Variants in IL1R1 observed in about 807,000 individuals in gnomAD.
IL1R1 encodes interleukin 1 receptor type 1, also known as interleukin-1 receptor type 1.
In IL1R1, 22 loss-of-function variants were observed where a neutral mutation model predicts 50.2. The observed-to-expected ratio is 0.44, with a 90% CI of 0.31 to 0.63. The LOEUF (loss-of-function observed/expected upper bound fraction) is 0.63, where lower values mean the gene tolerates loss of function less well. IL1R1 is among the 20% of genes least tolerant of loss of function. The pLI, the probability that IL1R1 is intolerant of heterozygous loss-of-function variation, is 0.07. For synonymous variants in IL1R1, 251 were observed against 236.7 expected, an observed-to-expected ratio of 1.06 and a Z score of -0.55; for missense variants, 509 against 676.2, an observed-to-expected ratio of 0.75 and a Z score of 2.74.
intron 3 of IL1R1, among the ~76,000 whole-genome samples, chr2:102,164,440 T>C (rs931972370): frequency 2.0e-5 from 3 of 152,202 alleles, no homozygotes; most frequent in African/African-American, 7.2e-5. Context: ...TAGTTGTTCA[T>C]GTGGGAAGGT....
At chr2:102,119,522 C>T (rs1278281025) in intron 1 of IL1R1, among the ~76,000 whole-genome samples, 1 of 152,208 alleles carries the variant, frequency 6.6e-6, no homozygotes, top group Non-Finnish European at 1.5e-5. Flanking sequence ...CCCTGATCCA[C>T]TTGGTGCTCA....
intron 2 of IL1R1, chr2:102,156,213 C>CAAAGA (rs1684178757): frequency 6.6e-6 from 1 of 152,592 alleles, no homozygotes; most frequent in African/African-American, 2.4e-5. Flanking sequence ...TCAAAGCCTT[C>CAAAGA]TATCTTATTT....
At position 102,175,659 on chromosome 2, in the gene IL1R1, G is replaced by T. The variant is rs768000370; in HGVS notation, c.1303+14G>T. 2.5e-6 allele frequency: 4 copies of T among 1,611,542 alleles called. No individual in the cohort carries two copies. The highest frequency in any genetic ancestry group is 3.4e-6 in the Non-Finnish European group (4 of 1,177,682). ...ACGTTGGGGAAGGTATGTGTGTAATGGAACAGAGTAAAGGCTTATTGTTGT... is the reference window on the plus strand; with the variant it reads ...ACGTTGGGGAAGGTATGTGTGTAATTGAACAGAGTAAAGGCTTATTGTTGT... On this transcript the variant is annotated intron_variant, in intron 11 of 11. Transcript: ENST00000410023.
In IL1R1 at chr2:102,177,978, T is replaced by C; in HGVS notation, c.*1219T>C. ...ACCAGCATGTCACTCCCAGACCACC[T>C]CCCTGCCCTGTCCTCCAGCTTCCCC... On this transcript the variant is annotated 3_prime_UTR_variant, in exon 12 of 12. Transcript: ENST00000410023. 6.5e-6 allele frequency: 1 copy of C among 153,276 alleles called. No individual in the cohort carries two copies. Among genetic ancestry groups the C allele is most frequent in the Non-Finnish European group, 1.5e-5 (1 of 68,580 alleles). 9.5% of individuals were successfully genotyped at this position (153,276 alleles called of 1,614,324 possible).
chr2:102,125,296 C>A (rs1681644614), intron 1 of IL1R1, among the ~76,000 whole-genome samples: 1 of 152,194 alleles, frequency 6.6e-6, no homozygotes, highest in African/African-American at 2.4e-5. Flanking sequence ...CAACAACAAA[C>A]AAACAAACGA....
intron 1 of IL1R1, among the ~76,000 whole-genome samples, chr2:102,119,743 A>G (rs1019232109): frequency 1.3e-5 from 2 of 152,218 alleles, no homozygotes; most frequent in African/African-American, 4.8e-5. Flanking sequence ...TTATGGAATG[A>G]TCACCACAAT....
chr2:102,092,155 C>T (rs1444424577), intron 1 of IL1R1, among the ~76,000 whole-genome samples: 1 of 152,226 alleles, frequency 6.6e-6, no homozygotes, highest in Admixed American at 6.5e-5. Flanking sequence ...TCAGAGTAGC[C>T]CCACATAACC....
At chr2:102,128,521 G>T (rs1681851006) in intron 1 of IL1R1, among the ~76,000 whole-genome samples, 1 of 152,126 alleles carries the variant, frequency 6.6e-6, no homozygotes, top group Non-Finnish European at 1.5e-5. Context: ...AACCCAATAA[G>T]CTGGGGACTA....
At chr2:102,158,400 G>T (rs2104535437) in intron 3 of IL1R1, among the ~76,000 whole-genome samples, 1 of 152,228 alleles carries the variant, frequency 6.6e-6, no homozygotes, top group South Asian at 2.1e-4. Flanking sequence ...AGAGTATAAG[G>T]TTTTGGCATT....
Position 102,175,483 on chromosome 2 carries a change from G to C in IL1R1, c.1141G>C (p.Asp381His). Residue 381 changes from aspartate to histidine, a missense_variant, in exon 11 of 12, where the codon GAT (aspartate) becomes CAT (histidine). By Grantham distance (81) the Asp-to-His change is moderately conservative (BLOSUM62 -1). Coordinates refer to ENST00000410023, the MANE Select transcript of IL1R1 (RefSeq NM_000877.4). ...ACATTATGTTTTTCCTTTAGCTTCA[G>C]ATGGAAAGACCTATGACGCATATAT... ...CYDFLPIKASDGKTYDAYILY... is the reference protein window; with the variant it reads ...CYDFLPIKASHGKTYDAYILY... 6.2e-7 allele frequency: 1 copy of C among 1,612,666 alleles called. No homozygotes were observed. Among genetic ancestry groups the C allele is most frequent in the African/African-American group, 1.3e-5 (1 of 75,008 alleles).
intron 1 of IL1R1, among the ~76,000 whole-genome samples, chr2:102,092,872 T>C (rs1387982350): frequency 6.6e-6 from 1 of 152,086 alleles, no homozygotes; most frequent in African/African-American, 2.4e-5. Context: ...GTGCATCTTG[T>C]CTATAGAGGT....
chr2:102,091,980 TAGA>T lies in IL1R1; in HGVS notation c.-84+21450_-84+21452del, dbSNP rs1467549796. On this transcript the variant is annotated intron_variant, in intron 1 of 11. Transcript: ENST00000409929. ...AAATCATTACTTTTTAATGGCTGAA[TAGA>T]AGGTTTTTGATATGTAATAACTTAA... 3.3e-5 allele frequency among the ~76,000 whole-genome samples: 5 copies of T among 152,344 alleles called. No homozygotes were observed. In the South Asian group the frequency reaches 6.2e-4, roughly 19 times the overall value.
rs146436404 is a variant in IL1R1 at position 102,092,817 on chromosome 2, G to A, written c.-84+22284G>A. Among the ~76,000 whole-genome samples the A allele has an allele frequency of 4.2e-3, 640 of 152,184 alleles. 5 individuals carry two copies. The highest frequency in any genetic ancestry group is 7.4e-3 in the Non-Finnish European group (506 of 68,024). ...CGTGTCCAAAGGAAGATGCTTTTCC[G>A]CTCTCTAGTTCCATGACTATGATTT... On this transcript the variant is annotated intron_variant, in intron 1 of 11. Transcript: ENST00000409929.
Position 102,174,669 on chromosome 2 carries a change from C to A in IL1R1, c.1074C>A (p.Ile358=), listed in dbSNP as rs1685964114. The A allele has an allele frequency of 6.2e-7, 1 of 1,612,110 alleles. No homozygotes were observed. The highest frequency in any genetic ancestry group is 1.7e-5 in the Admixed American group (1 of 59,818). The part of the protein sequence containing the change: ...IIVCSVFIYK[I]FKIDIVLWYR... ...TGTGTTCTGTTTTCATCTATAAAAT[C>A]TTCAAGATTGACATTGTGCTTTGGT... Residue 358 remains isoleucine (I), a synonymous_variant, in exon 10 of 12, where the codon ATC becomes ATA. Transcript: ENST00000410023.
rs537491813 is a variant in IL1R1 at position 102,158,308 on chromosome 2, G to T, written c.61+523G>T. ...ACACAGAAATACCTGCCTGCATAGG[G>T]TTTATATTCTTGTAGAAGAGAGAGA... On this transcript the variant is annotated intron_variant, in intron 3 of 11. Transcript: ENST00000410023. Among the ~76,000 whole-genome samples the T allele has an allele frequency of 1.3e-4, 20 of 152,286 alleles. No individual in the cohort carries two copies. The South Asian group carries it at 3.5e-3, about 27-fold the overall frequency.
rs189306116 is a variant in IL1R1 at position 102,118,299 on chromosome 2, C to G, written c.-84+13427C>G. 3.5e-4 allele frequency among the ~76,000 whole-genome samples: 54 copies of G among 152,258 alleles called. No homozygotes were observed. The East Asian group carries it at 9.7e-3, about 27-fold the overall frequency. On this transcript the variant is annotated intron_variant, in intron 1 of 10. Transcript: ENST00000409329. Reference sequence around the variant, plus strand: ...CTGAACATGTGGAGGGTAGCCCACCCGGAGAGGGCAAGGAAGCGCACTTCC... The same window carrying G: ...CTGAACATGTGGAGGGTAGCCCACCGGGAGAGGGCAAGGAAGCGCACTTCC...
chr2:102,092,458 C>G (rs1020142533), intron 1 of IL1R1, among the ~76,000 whole-genome samples: 2 of 152,008 alleles, frequency 1.3e-5, no homozygotes, highest in Non-Finnish European at 2.9e-5. Flanking sequence ...TTAAATCCTC[C>G]CAGGAAGCAG....
At chr2:102,124,897 C>T (rs143147389) in intron 1 of IL1R1, among the ~76,000 whole-genome samples, 1 of 151,850 alleles carries the variant, frequency 6.6e-6, no homozygotes, top group African/African-American at 2.4e-5. Flanking sequence ...GCCTGGGTAA[C>T]AGAGCAAGAC....
At chr2:102,134,364 ACTTT>A (rs749415499) in intron 1 of IL1R1, among the ~76,000 whole-genome samples, 43 of 147,116 alleles carry the variant, frequency 2.9e-4, no homozygotes, top group Admixed American at 6.8e-5. Context: ...CTGCATCACT[ACTTT>A]CTTTCTTTTC....
Sources: gnomAD v4.1 joint callset for allele counts (sites outside exome capture counted in the v4.1 genomes callset) on GRCh38, gnomAD v4.1.1 for gene constraint, MANE v1.5 for transcripts, NCBI Gene and HGNC (gene_info 2026-07-23, HGNC 2026-07-21) for gene names.